TRHR: variants seen among roughly 807,000 people sequenced by gnomAD.
TRHR encodes the protein thyrotropin-releasing hormone receptor.
In TRHR, 14 loss-of-function variants were observed where a neutral mutation model predicts 28.0. The ratio of observed to expected loss-of-function variants is 0.50; its 90% CI spans 0.33 to 0.78. The LOEUF is 0.78. Ranked by LOEUF, TRHR falls within the 30% of genes least tolerant of loss-of-function variation. The probability of loss-of-function intolerance (pLI) is 0.02; values close to 1 mark genes in which losing one functional copy is unlikely to be tolerated. For missense variants in TRHR, 438 were observed against 469.5 expected (o/e 0.93, Z 0.62); for synonymous variants, 176 against 171.9 (o/e 1.02, Z -0.18).
At chr8:109,095,028 T>G (rs1811568385) in intron 2 of TRHR, among the ~76,000 whole-genome samples, 1 of 151,214 alleles carries the variant, frequency 6.6e-6, no homozygotes, top group Admixed American at 6.6e-5. Context: ...TGAGTTGGGG[T>G]AAAAAGCAAA....
chr8:109,093,957 A>C (rs1189050778), intron 2 of TRHR, among the ~76,000 whole-genome samples: 7 of 152,066 alleles, frequency 4.6e-5, no homozygotes, highest in Admixed American at 3.3e-4. Flanking sequence ...ATGAGAGGCT[A>C]CGTAAAACCT....
At chr8:109,104,488 A>G (rs1051406559) in intron 2 of TRHR, among the ~76,000 whole-genome samples, 14 of 152,132 alleles carry the variant, frequency 9.2e-5, no homozygotes, top group African/African-American at 3.1e-4. Context: ...ATTTCCTTGT[A>G]TACTACCTGG....
In TRHR at chr8:109,121,061, A is replaced by G. The variant is rs1449123437; in HGVS notation, c.*1606A>G. 2.7e-5 allele frequency among the ~76,000 whole-genome samples: 4 copies of G among 145,840 alleles called. No individual in the cohort carries two copies. The highest frequency in any genetic ancestry group is 1.5e-5 in the Non-Finnish European group (1 of 67,020). ...CTGTTTCATGGAGACTATGCTATCC[A>G]GAACCTCATTCTAGAGTGCGCTTTT... On this transcript the variant is annotated 3_prime_UTR_variant, in exon 3 of 3. Coordinates refer to ENST00000518632, the MANE Select transcript of TRHR (RefSeq NM_003301.7).
intron 2 of TRHR, among the ~76,000 whole-genome samples, chr8:109,100,566 T>A (rs1811663650): frequency 6.6e-6 from 1 of 152,180 alleles, no homozygotes; most frequent in African/African-American, 2.4e-5. Context: ...TCTCCTCACC[T>A]ATGATTTAAT....
chr8:109,119,601 T>C lies in TRHR; in HGVS notation c.*146T>C. On this transcript the variant is annotated 3_prime_UTR_variant, in exon 3 of 3. Transcript: ENST00000518632. ...TCTAACAAATTCTGGCCCTAGATAC[T>C]TTAACCCATGAGGATGATTCAGACT... 2 of 911,548 alleles carry C rather than the reference T, an allele frequency of 2.2e-6. No individual in the cohort carries two copies. Among genetic ancestry groups the C allele is most frequent in the Non-Finnish European group, 3.3e-6 (2 of 604,380 alleles). 56.5% of individuals were successfully genotyped at this position (911,548 alleles called of 1,614,324 possible).
chr8:109,088,190 T>C lies in TRHR; in HGVS notation c.678T>C (p.Asp226=), dbSNP rs747038429. ...RILFLNPIPS[D]PKENSKTWKN... ...TTTTCTTAAATCCCATTCCTTCAGATCCTAAAGAAAACTCTAAGACATGGA... is the reference window on the plus strand; with the variant it reads ...TTTTCTTAAATCCCATTCCTTCAGACCCTAAAGAAAACTCTAAGACATGGA... Residue 226 remains aspartate (D), a synonymous_variant, in exon 2 of 3, where the codon GAT becomes GAC. Coordinates refer to ENST00000518632, the MANE Select transcript of TRHR (RefSeq NM_003301.7). 12 of 1,614,008 alleles carry C rather than the reference T, an allele frequency of 7.4e-6. No individual in the cohort carries two copies. The highest frequency in any genetic ancestry group is 1.1e-5 in the South Asian group (1 of 91,080).
chr8:109,117,754 T>C (rs980942851), intron 2 of TRHR, among the ~76,000 whole-genome samples: 1 of 151,970 alleles, frequency 6.6e-6, no homozygotes, highest in Non-Finnish European at 1.5e-5. Flanking sequence ...TTTTTTAAAG[T>C]CTACTTAGGA....
chr8:109,095,550 T>C (rs1811575953), intron 2 of TRHR, among the ~76,000 whole-genome samples: 2 of 151,974 alleles, frequency 1.3e-5, no homozygotes, highest in Admixed American at 6.6e-5. Flanking sequence ...AATTCCCGCC[T>C]CTCCTCCCCA....
chr8:109,089,141 A>G (rs1441298278), intron 2 of TRHR, among the ~76,000 whole-genome samples: 2 of 152,122 alleles, frequency 1.3e-5, no homozygotes, highest in Non-Finnish European at 2.9e-5. Flanking sequence ...CTTTTATATC[A>G]TTTACACATT....
chr8:109,106,389 T>C (rs781033665), intron 2 of TRHR, among the ~76,000 whole-genome samples: 30 of 152,164 alleles, frequency 2.0e-4, no homozygotes, highest in Admixed American at 1.8e-3. Context: ...TATATTAACA[T>C]AGTGCCGATC....
chr8:109,092,059 C>A (rs917018747), intron 2 of TRHR, among the ~76,000 whole-genome samples: 2 of 152,156 alleles, frequency 1.3e-5, no homozygotes, highest in Admixed American at 6.5e-5. Context: ...AACACCTGAA[C>A]ATCTTAGTAA....
At chr8:109,096,888 C>A (rs1187144980) in intron 2 of TRHR, among the ~76,000 whole-genome samples, 1 of 152,120 alleles carries the variant, frequency 6.6e-6, no homozygotes, top group Non-Finnish European at 1.5e-5. Flanking sequence ...AAGTCCAACA[C>A]TCTATTTTGC....
chr8:109,106,453 C>T (rs1383876892), intron 2 of TRHR, among the ~76,000 whole-genome samples: 7 of 152,034 alleles, frequency 4.6e-5, no homozygotes, highest in Non-Finnish European at 1.0e-4. Context: ...GTTAGCATTC[C>T]CTTAGCTCTT....
chr8:109,094,717 T>A (rs1228417310), intron 2 of TRHR, among the ~76,000 whole-genome samples: 1 of 151,298 alleles, frequency 6.6e-6, no homozygotes, highest in African/African-American at 2.4e-5. Flanking sequence ...ATGTTGCAAA[T>A]ATAAAATTAG....
At chr8:109,101,813 G>A (rs1397162075) in intron 2 of TRHR, among the ~76,000 whole-genome samples, 2 of 152,108 alleles carry the variant, frequency 1.3e-5, no homozygotes, top group African/African-American at 4.8e-5. Context: ...TATAGAGATG[G>A]TTTGTTGAAG....
At chr8:109,115,364 G>C (rs920548537) in intron 2 of TRHR, among the ~76,000 whole-genome samples, 3 of 152,180 alleles carry the variant, frequency 2.0e-5, no homozygotes, top group African/African-American at 7.2e-5. Context: ...TTGGTAGCTT[G>C]ATGGGGATGG....
chr8:109,116,428 C>T (rs560537813), intron 2 of TRHR, among the ~76,000 whole-genome samples: 12 of 152,056 alleles, frequency 7.9e-5, no homozygotes, highest in Non-Finnish European at 1.8e-4. Context: ...AATCCTTCTG[C>T]TCCTGGACTT....
chr8:109,100,555 A>G (rs1333557143), intron 2 of TRHR, among the ~76,000 whole-genome samples: 4 of 152,154 alleles, frequency 2.6e-5, no homozygotes, highest in Non-Finnish European at 4.4e-5. Context: ...ACAGATTTGC[A>G]TCTCCTCACC....
chr8:109,106,104 T>C (rs752659202), intron 2 of TRHR, among the ~76,000 whole-genome samples: 16 of 152,108 alleles, frequency 1.1e-4, no homozygotes, highest in Admixed American at 3.9e-4. Context: ...AACTAGCAGC[T>C]AGTGCATCCC....
Sources: allele counts gnomAD v4.1 joint callset (sites outside exome capture counted in the v4.1 genomes callset), GRCh38; gene constraint gnomAD v4.1.1; transcripts MANE v1.5; gene names NCBI Gene and HGNC (gene_info 2026-07-23, HGNC 2026-07-21).